Variants in CENPQ observed in about 807,000 individuals in gnomAD.
The protein encoded by CENPQ is chromosome 6 open reading frame 139.
Under a neutral mutation model 36.6 loss-of-function variants are expected in CENPQ, and 27 were observed. The observed-to-expected ratio is 0.74, with a 90% CI of 0.54 to 1.02. The LOEUF is 1.02. Among genes scored for constraint, CENPQ ranks in the 50% least tolerant of loss-of-function variants. CENPQ has a pLI of 0.00. For synonymous variants in CENPQ, 101 were observed against 101.7 expected (o/e 0.99, Z 0.04); for missense variants, 306 against 301.8 (o/e 1.01, Z -0.10).
chr6:49,482,733 C>CA lies in CENPQ; in HGVS notation c.477+1657dup, dbSNP rs1222525318. On this transcript the variant is annotated intron_variant, in intron 6 of 8. Transcript: ENST00000335783. Reference sequence around the variant, plus strand: ...TAGGCGAAGGTCCCTTTGTGGTCGCCAAAATGTGTCTGGAGTTGGTGGGTT... The same window carrying CA: ...TAGGCGAAGGTCCCTTTGTGGTCGCCAAAAATGTGTCTGGAGTTGGTGGGTT... 2.0e-5 allele frequency among the ~76,000 whole-genome samples: 3 copies of CA among 152,116 alleles called. No individual in the cohort carries two copies. The East Asian group carries it at 5.8e-4, about 29-fold the overall frequency.
intron 2 of CENPQ, 42 bp from the exon 3 acceptor site, chr6:49,470,932 G>A: frequency 2.5e-6 from 3 of 1,178,086 alleles, no homozygotes; most frequent in South Asian, 1.8e-5. Context: ...TTTATCTGAT[G>A]TTTAATTCTG....
At position 49,473,943 on chromosome 6, in the gene CENPQ, GGA is replaced by G. The variant is rs1384749514; in HGVS notation, c.347+1086_347+1087del. On this transcript the variant is annotated intron_variant, in intron 5 of 8. Coordinates refer to ENST00000335783, the MANE Select transcript of CENPQ (RefSeq NM_018132.4). ...AAGAAGACCGTTAATAATAGTAAAG[GGA>G]TCAATTCAACAAGAAGAGCTAACTA... Among the ~76,000 whole-genome samples, 187 of 152,196 alleles carry G rather than the reference GGA, an allele frequency of 1.2e-3. 1 individual carries two copies. Among genetic ancestry groups the G allele is most frequent in the Non-Finnish European group, 1.9e-3 (132 of 68,002 alleles).
At position 49,492,282 on chromosome 6, in the gene CENPQ, T is replaced by C; in HGVS notation, c.*7T>C. 7.2e-7 allele frequency: 1 copy of C among 1,387,700 alleles called. No individual in the cohort carries two copies. The highest frequency in any genetic ancestry group is 9.7e-7 in the Non-Finnish European group (1 of 1,032,640). 86.0% of individuals were successfully genotyped at this position (1,387,700 alleles called of 1,614,324 possible). A position where few individuals can be genotyped will look rare whatever the true frequency, so the allele number is the denominator to read the frequency against. On this transcript the variant is annotated 3_prime_UTR_variant, in exon 9 of 9. Transcript: ENST00000335783. ...GAAACTGGATGCATCTTAAAGAGTG[T>C]TTTTTTTTTAGATTGTTCCATATTA...
chr6:49,472,880 A>G, intron 5 of CENPQ, 22 bp downstream of exon 5: 1 of 1,350,090 alleles, frequency 7.4e-7, no homozygotes, highest in Non-Finnish European at 9.9e-7. Flanking sequence ...GCATAATTAA[A>G]ATGATTAAAA....
chr6:49,463,645 A>T (rs1767922968), intron 1 of CENPQ, among the ~76,000 whole-genome samples, 192 bp downstream of exon 1: 1 of 151,978 alleles, frequency 6.6e-6, no homozygotes, highest in East Asian at 1.9e-4. Flanking sequence ...ATTAGGGGGG[A>T]GGGAGCAAAG....
intron 6 of CENPQ, among the ~76,000 whole-genome samples, chr6:49,483,777 C>T (rs536016717): frequency 1.1e-4 from 16 of 152,362 alleles, no homozygotes; most frequent in Admixed American, 4.6e-4. Context: ...GGCGCAGCCC[C>T]GGTTCCCGCT....
intron 1 of CENPQ, among the ~76,000 whole-genome samples, chr6:49,464,879 T>G (rs1289261110): frequency 6.6e-6 from 1 of 152,202 alleles, no homozygotes; most frequent in Non-Finnish European, 1.5e-5. Flanking sequence ...GGAATCAACT[T>G]TTTCCAGACT....
At chr6:49,468,103 T>A (rs1052395692) in intron 1 of CENPQ, among the ~76,000 whole-genome samples, 3 of 152,076 alleles carry the variant, frequency 2.0e-5, no homozygotes, top group Non-Finnish European at 4.4e-5. Flanking sequence ...TGTTCCAAAA[T>A]TTGGGATTGG....
At chr6:49,470,037 TAAAA>T in intron 1 of CENPQ, 118 bp from the exon 2 acceptor site, 2 of 401,900 alleles carry the variant, frequency 5.0e-6, no homozygotes, top group Non-Finnish European at 8.7e-6. Context: ...GATTTTTCTT[TAAAA>T]AAAAAAAAAA....
rs1768416779 is a variant in CENPQ, at chr6:49,481,080, G to T, written c.477G>T (p.Gln159His). The T allele has an allele frequency of 6.3e-7, 1 of 1,592,830 alleles. No individual in the cohort carries two copies. Residue 159 changes from glutamine to histidine, a missense_variant and splice_region_variant, in exon 6 of 9, where the codon CAG (glutamine) becomes CAT (histidine). Physicochemically the swap from Gln to His is conservative, Grantham distance 24. Transcript: ENST00000335783. ...KANEEGLALL[Q>H]EEIDKMVETT... ...ATGAAGAAGGTCTGGCATTACTACA[G>T]GTATGAAATTTGAATAGGGAATCCA...
rs1423282161 is a variant in CENPQ, at chr6:49,488,350, A to G, written c.478-2A>G. The stretch of plus-strand genomic sequence containing the variant: ...AATGTTTTTTTTCTCTTTCTGACTC[A>G]GGAAGAAATAGATAAAATGGTAGAG... On this transcript the variant is annotated splice_acceptor_variant, in intron 6 of 8. Transcript: ENST00000335783. LOFTEE classifies it high-confidence loss of function. 1 of 1,589,066 alleles carries G rather than the reference A, an allele frequency of 6.3e-7. No individual in the cohort carries two copies. Among genetic ancestry groups the G allele is most frequent in the African/African-American group, 1.4e-5 (1 of 73,686 alleles).
At chr6:49,473,855 C>A (rs1768207745) in intron 5 of CENPQ, among the ~76,000 whole-genome samples, 1 of 152,034 alleles carries the variant, frequency 6.6e-6, no homozygotes, top group South Asian at 2.1e-4. Context: ...CAAAAAAAGG[C>A]AGGGGTTGCA....
rs116567677 is a variant in CENPQ, at chr6:49,483,141, A to G, written c.477+2061A>G. On this transcript the variant is annotated intron_variant, in intron 6 of 8. Coordinates refer to ENST00000335783, the MANE Select transcript of CENPQ (RefSeq NM_018132.4). ...GATTGGTGTATTTATAATCCCTGAG[A>G]GCTAGACACAAAGGTTCTCCACGTC... is the stretch of plus-strand genomic sequence containing the variant. Among the ~76,000 whole-genome samples, 354 of 152,242 alleles carry G rather than the reference A, an allele frequency of 2.3e-3. 2 individuals carry two copies. Among genetic ancestry groups the G allele is most frequent in the African/African-American group, 8.3e-3 (344 of 41,558 alleles).
chr6:49,479,742 A>C (rs1362559533), intron 5 of CENPQ, among the ~76,000 whole-genome samples: 1 of 152,220 alleles, frequency 6.6e-6, no homozygotes, highest in Admixed American at 6.5e-5. Context: ...TCAGTGGTAG[A>C]TTAGATAAAG....
chr6:49,488,871 C>CT (rs371676617), intron 8 of CENPQ, among the ~76,000 whole-genome samples, 187 bp downstream of exon 8: 133 of 141,842 alleles, frequency 9.4e-4, no homozygotes, highest in East Asian at 1.0e-3. Flanking sequence ...AGCATTATTT[C>CT]TTTTTTTTTT....
chr6:49,488,493 A>G, intron 7 of CENPQ, 22 bp downstream of exon 7: 2 of 1,606,442 alleles, frequency 1.2e-6, no homozygotes, highest in Non-Finnish European at 1.7e-6. Flanking sequence ...AAACTGTATT[A>G]TTGGAATTTG....
At chr6:49,479,004 A>G (rs186665963) in intron 5 of CENPQ, among the ~76,000 whole-genome samples, 1 of 152,336 alleles carries the variant, frequency 6.6e-6, no homozygotes, top group East Asian at 1.9e-4. Context: ...TTTAATAAAC[A>G]TATAGAAGAA....
chr6:49,468,509 G>A (rs969337713), intron 1 of CENPQ, among the ~76,000 whole-genome samples: 6 of 151,954 alleles, frequency 3.9e-5, no homozygotes, highest in African/African-American at 7.3e-5. Flanking sequence ...CAGGAGAATC[G>A]CTTAAACCTG....
intron 1 of CENPQ, among the ~76,000 whole-genome samples, chr6:49,463,908 C>A (rs1342124794): frequency 6.6e-6 from 1 of 152,052 alleles, no homozygotes; most frequent in East Asian, 1.9e-4. Flanking sequence ...TATAGTCTGG[C>A]GGCAAACTAC....
Sources: gnomAD v4.1 joint callset for allele counts (sites outside exome capture counted in the v4.1 genomes callset) on GRCh38, gnomAD v4.1.1 for gene constraint, MANE v1.5 for transcripts, NCBI Gene and HGNC (gene_info 2026-07-23, HGNC 2026-07-21) for gene names.